FAM13A: variants seen among roughly 807,000 people sequenced by gnomAD.
FAM13A encodes protein FAM13A.
A neutral mutation model predicts 129.6 loss-of-function variants in FAM13A; 76 were observed. The observed-to-expected ratio is 0.59, with a 90% CI of 0.49 to 0.71. The LOEUF (loss-of-function observed/expected upper bound fraction) is 0.71. Among genes scored for constraint, FAM13A ranks in the 30% least tolerant of loss-of-function variants. The probability of loss-of-function intolerance (pLI) is 0.00; values close to 1 mark genes in which losing one functional copy is unlikely to be tolerated. For missense variants in FAM13A, 1,108 were observed against 1,249.3 expected (o/e 0.89, Z 1.70); for synonymous variants, 443 against 449.9 (o/e 0.98, Z 0.20).
At chr4:88,885,559 A>C (rs1352078878) in intron 6 of FAM13A, among the ~76,000 whole-genome samples, 1 of 152,232 alleles carries the variant, frequency 6.6e-6, no homozygotes, top group Non-Finnish European at 1.5e-5. Context: ...AAAATTCTAG[A>C]AGGTGACACT....
chr4:88,940,088 T>G (rs1754505301), intron 4 of FAM13A, among the ~76,000 whole-genome samples: 1 of 152,200 alleles, frequency 6.6e-6, no homozygotes, highest in African/African-American at 2.4e-5. Flanking sequence ...AAATGTGTGG[T>G]AATTTGTTAC....
chr4:88,824,014 T>TA (rs1561092100), intron 7 of FAM13A, among the ~76,000 whole-genome samples: 1 of 152,220 alleles, frequency 6.6e-6, no homozygotes, highest in African/African-American at 2.4e-5. Flanking sequence ...TATTTTTTTT[T>TA]ATAGGTAACA....
At chr4:88,918,614 T>G (rs894518380) in intron 5 of FAM13A, among the ~76,000 whole-genome samples, 7 of 152,210 alleles carry the variant, frequency 4.6e-5, no homozygotes, top group Non-Finnish European at 1.0e-4. Context: ...TCGTAACAAA[T>G]AATCTTTTGT....
At chr4:88,814,337 C>A (rs1026593984) in intron 7 of FAM13A, among the ~76,000 whole-genome samples, 1 of 152,108 alleles carries the variant, frequency 6.6e-6, no homozygotes, top group African/African-American at 2.4e-5. Flanking sequence ...TTGAGGGTCA[C>A]GTAGGCATTT....
At chr4:89,046,746 G>C (rs1770910492) in intron 1 of FAM13A, among the ~76,000 whole-genome samples, 1 of 152,140 alleles carries the variant, frequency 6.6e-6, no homozygotes, top group Admixed American at 6.5e-5. Flanking sequence ...AGGTACTCAG[G>C]AGGCTGAGGT....
At chr4:88,924,746 C>G (rs1751792275) in intron 5 of FAM13A, among the ~76,000 whole-genome samples, 1 of 151,658 alleles carries the variant, frequency 6.6e-6, no homozygotes, top group South Asian at 2.1e-4. Context: ...GCAAAAGAAA[C>G]TACCATCAGA....
intron 5 of FAM13A, among the ~76,000 whole-genome samples, chr4:88,923,679 C>T (rs1265069227): frequency 6.6e-6 from 1 of 152,178 alleles, no homozygotes; most frequent in Non-Finnish European, 1.5e-5. Context: ...TCCTACTCAA[C>T]TCAGTGTTGG....
In FAM13A at chr4:88,837,236, C is replaced by T. The variant is rs544413446; in HGVS notation, c.1007+13784G>A. Among the ~76,000 whole-genome samples the T allele has an allele frequency of 1.3e-4, 19 of 151,340 alleles. No individual in the cohort carries two copies. In the South Asian group the frequency reaches 4.0e-3, roughly 32 times the overall value. Reference sequence around the variant, plus strand: ...TCTTGAACTCCAGACCTCAGGTGATCCACCCACCTCGGCCTCCCAAAGTGC... The same window carrying T: ...TCTTGAACTCCAGACCTCAGGTGATTCACCCACCTCGGCCTCCCAAAGTGC... On this transcript the variant is annotated intron_variant, in intron 7 of 23. Transcript: ENST00000264344.
chr4:88,878,603 C>T (rs1207988361), intron 6 of FAM13A, among the ~76,000 whole-genome samples: 5 of 152,088 alleles, frequency 3.3e-5, no homozygotes, highest in African/African-American at 4.8e-5. Context: ...TAACACTTGG[C>T]ATAAAAGTAA....
At chr4:88,835,328 T>C (rs893386303) in intron 7 of FAM13A, among the ~76,000 whole-genome samples, 2 of 152,164 alleles carry the variant, frequency 1.3e-5, no homozygotes, top group African/African-American at 4.8e-5. Context: ...GATTTGTCCA[T>C]TCAGTGGATT....
intron 3 of FAM13A, among the ~76,000 whole-genome samples, chr4:89,015,070 G>A (rs1485802003): frequency 1.3e-5 from 2 of 152,136 alleles, no homozygotes; most frequent in Admixed American, 1.3e-4. Flanking sequence ...TGTCTTTTAC[G>A]GTTGAAGATA....
At chr4:88,779,825 A>G (rs1349505636) in intron 11 of FAM13A, among the ~76,000 whole-genome samples, 1 of 152,190 alleles carries the variant, frequency 6.6e-6, no homozygotes. Flanking sequence ...CCTGGTGGAA[A>G]AAATTAATGG....
At chr4:88,846,319 C>G (rs1736636326) in intron 7 of FAM13A, among the ~76,000 whole-genome samples, 1 of 152,168 alleles carries the variant, frequency 6.6e-6, no homozygotes, top group Non-Finnish European at 1.5e-5. Flanking sequence ...GTTTTAACAT[C>G]TCCCCGAAAT....
chr4:88,763,805 C>A (rs1471504569), intron 13 of FAM13A, among the ~76,000 whole-genome samples: 2 of 152,138 alleles, frequency 1.3e-5, no homozygotes, highest in African/African-American at 4.8e-5. Flanking sequence ...CTACAGAGAA[C>A]CATAAACATT....
At chr4:88,749,091 T>C in intron 16 of FAM13A, 58 bp from the exon 17 acceptor site, 5 of 1,239,812 alleles carry the variant, frequency 4.0e-6, no homozygotes, top group Non-Finnish European at 5.9e-6. Flanking sequence ...AAGTAAGAAG[T>C]GTTTGATGAT....
chr4:89,045,814 G>A (rs539425743), intron 1 of FAM13A, among the ~76,000 whole-genome samples: 162 of 152,046 alleles, frequency 1.1e-3, no homozygotes, highest in African/African-American at 3.6e-3. Context: ...ACCTGAGGTT[G>A]GGAGTTTGAG....
In FAM13A at chr4:88,991,257, G is replaced by C. The variant is rs1179511574; in HGVS notation, c.428-107C>G. The C allele has an allele frequency of 6.9e-5, 53 of 767,238 alleles. No homozygotes were observed. The Admixed American group carries it at 1.5e-3, about 22-fold the overall frequency. 47.5% of individuals were successfully genotyped at this position (767,238 alleles called of 1,614,324 possible). A position where few individuals can be genotyped will look rare whatever the true frequency, so the allele number is the denominator to read the frequency against. On this transcript the variant is annotated intron_variant, in intron 3 of 23. Coordinates refer to ENST00000264344, the MANE Select transcript of FAM13A (RefSeq NM_014883.4). Reference sequence around the variant, plus strand: ...ACATTTTATTCAGAAAAAAACTCTTGAGAGACTGAGATAGGCCTTGTGTAT... The same window carrying C: ...ACATTTTATTCAGAAAAAAACTCTTCAGAGACTGAGATAGGCCTTGTGTAT...
chr4:88,965,737 C>A (rs1190063155), intron 4 of FAM13A, among the ~76,000 whole-genome samples: 1 of 152,210 alleles, frequency 6.6e-6, no homozygotes, highest in Non-Finnish European at 1.5e-5. Context: ...ACTCCCCCAG[C>A]CCCTGCTAAC....
At chr4:88,857,852 C>A (rs1219365259) in intron 6 of FAM13A, among the ~76,000 whole-genome samples, 1 of 152,026 alleles carries the variant, frequency 6.6e-6, no homozygotes, top group Non-Finnish European at 1.5e-5. Flanking sequence ...TAGCACTTAG[C>A]AAACAGTAGG....
Sources: gnomAD v4.1 joint callset for allele counts (sites outside exome capture counted in the v4.1 genomes callset) on GRCh38, gnomAD v4.1.1 for gene constraint, MANE v1.5 for transcripts, NCBI Gene and HGNC (gene_info 2026-07-23, HGNC 2026-07-21) for gene names.